The following PACRG variants were observed in gnomAD, a reference collection of about 807,000 sequenced individuals.
PACRG encodes the protein parkin coregulated gene protein.
PACRG carries 29 observed loss-of-function variants against 29.7 expected under a neutral mutation model. That is an observed-to-expected ratio of 0.98 (90% CI 0.73 to 1.33). The LOEUF is 1.33. PACRG is among the 40% of genes most tolerant of loss of function. PACRG has a pLI of 0.00. For synonymous variants in PACRG, 116 were observed against 118.7 expected (o/e 0.98, Z 0.15); for missense variants, 279 against 316.2 (o/e 0.88, Z 0.89).
intron 1 of PACRG, among the ~76,000 whole-genome samples, chr6:162,770,720 G>T (rs946730125): frequency 6.6e-6 from 1 of 151,988 alleles, no homozygotes; most frequent in African/African-American, 2.4e-5. Flanking sequence ...TAACAGACTT[G>T]ATTTTAATGA....
intron 1 of PACRG, among the ~76,000 whole-genome samples, chr6:162,768,087 A>G (rs754298161): frequency 6.6e-6 from 1 of 152,074 alleles, no homozygotes. Flanking sequence ...TTATTTTTGC[A>G]TCTTATTCTT....
At chr6:162,735,721 C>T (rs1352216759) in intron 1 of PACRG, among the ~76,000 whole-genome samples, 2 of 152,098 alleles carry the variant, frequency 1.3e-5, no homozygotes, top group African/African-American at 4.8e-5. Context: ...TCAATAATGG[C>T]TTTTATTGCT....
intron 4 of PACRG, among the ~76,000 whole-genome samples, chr6:163,131,753 G>T (rs1029136122): frequency 6.6e-6 from 1 of 152,118 alleles, no homozygotes; most frequent in Non-Finnish European, 1.5e-5. Flanking sequence ...GGGCTAAGAC[G>T]TGAGCGTGCT....
At position 162,747,152 on chromosome 6, in the gene PACRG, G is replaced by C. The variant is rs552451240; in HGVS notation, c.156+18761G>C. ...GACCCATCCTTAACCTGAGTGGCACGGGTTAATCAGCTGCCAGCACGGCTA... is the reference window on the plus strand; with the variant it reads ...GACCCATCCTTAACCTGAGTGGCACCGGTTAATCAGCTGCCAGCACGGCTA... On this transcript the variant is annotated intron_variant, in intron 1 of 4. Coordinates refer to ENST00000366888, the MANE Select transcript of PACRG (RefSeq NM_001080379.2). 2.6e-5 allele frequency among the ~76,000 whole-genome samples: 4 copies of C among 151,096 alleles called. No individual in the cohort carries two copies. In the East Asian group the frequency reaches 7.9e-4, roughly 30 times the overall value.
rs199945139 is a variant in PACRG at position 163,089,358 on chromosome 6, C to T, written c.563C>T (p.Pro188Leu). ...SAEMVGKALV[P>L]YYRQILPVLN... ...GAGATGGTGGGCAAGGCCTTGGTGC[C>T]TTATTACCGTCAAATCCTCCCTGTC... Residue 188 changes from proline to leucine, a missense_variant, in exon 4 of 5, where the codon CCT becomes CTT. By Grantham distance (98) the Pro-to-Leu change is moderately conservative. Transcript: ENST00000366888. 6.0e-5 allele frequency: 97 copies of T among 1,614,006 alleles called. No individual in the cohort carries two copies. The highest frequency in any genetic ancestry group is 1.1e-4 in the African/African-American group (8 of 74,900).
rs1182136634 is a variant in PACRG, at chr6:162,966,475, G to GT, written c.292-95674dup. On this transcript the variant is annotated intron_variant, in intron 2 of 4. Transcript: ENST00000366888. ...AAGATGTTAATGGAGGGAATGACAT[G>GT]TATTTTTTTTTTTTTTTTTGAGGCG... Among the ~76,000 whole-genome samples, 541 of 98,972 alleles carry GT rather than the reference G, an allele frequency of 5.5e-3. 4 individuals carry two copies. Among genetic ancestry groups the GT allele is most frequent in the African/African-American group, 0.021 (516 of 25,112 alleles). 64.9% of individuals were successfully genotyped at this position (98,972 alleles called of 152,430 possible). A position where few individuals can be genotyped will look rare whatever the true frequency, so the allele number is the denominator to read the frequency against.
intron 4 of PACRG, among the ~76,000 whole-genome samples, chr6:163,201,418 T>G (rs2128149592): frequency 6.6e-6 from 1 of 152,304 alleles, no homozygotes; most frequent in South Asian, 2.1e-4. Context: ...ATAAAGAGAT[T>G]CGGGTGTTCC....
rs559767211 is a variant in PACRG at position 163,098,817 on chromosome 6, G to A, written c.613+9409G>A. Among the ~76,000 whole-genome samples the A allele has an allele frequency of 1.5e-4, 23 of 152,266 alleles. No individual in the cohort carries two copies. In the East Asian group the frequency reaches 2.5e-3, roughly 17 times the overall value. ...CTTGAAGATATGCTAAACAACGGGC[G>A]GATTATTCATATCTCCCCTTTTTAG... On this transcript the variant is annotated intron_variant, in intron 4 of 4. Transcript: ENST00000366888.
At chr6:162,779,010 T>C (rs750094724) in intron 1 of PACRG, among the ~76,000 whole-genome samples, 9 of 152,212 alleles carry the variant, frequency 5.9e-5, no homozygotes, top group Non-Finnish European at 8.8e-5. Flanking sequence ...CATTAGCGGT[T>C]CTTCCTGATG....
At chr6:163,220,395 G>A (rs568747440) in intron 4 of PACRG, among the ~76,000 whole-genome samples, 5 of 152,280 alleles carry the variant, frequency 3.3e-5, no homozygotes, top group East Asian at 1.9e-4. Flanking sequence ...ACTGCTAAGC[G>A]GGGGCAAGTG....
chr6:163,167,817 A>T (rs1405049881), intron 4 of PACRG, among the ~76,000 whole-genome samples: 2 of 152,222 alleles, frequency 1.3e-5, no homozygotes, highest in Non-Finnish European at 2.9e-5. Context: ...CTTTCAAACC[A>T]ACCCTGCTAT....
At chr6:163,261,103 A>G (rs374849499) in intron 4 of PACRG, among the ~76,000 whole-genome samples, 10 of 152,220 alleles carry the variant, frequency 6.6e-5, no homozygotes, top group African/African-American at 2.2e-4. Context: ...CAGGAGTGCT[A>G]GTCCCATCGG....
intron 4 of PACRG, among the ~76,000 whole-genome samples, chr6:163,128,997 T>C (rs2128328112): frequency 6.6e-6 from 1 of 152,348 alleles, no homozygotes; most frequent in African/African-American, 2.4e-5. Context: ...GAATTCTCAA[T>C]ATTTTAAAAA....
At chr6:163,195,092 C>T (rs1174810634) in intron 4 of PACRG, among the ~76,000 whole-genome samples, 2 of 152,096 alleles carry the variant, frequency 1.3e-5, no homozygotes, top group East Asian at 1.9e-4. Flanking sequence ...CTCTTGACCC[C>T]GACTCTCACC....
At chr6:163,153,906 G>A (rs530599861) in intron 4 of PACRG, among the ~76,000 whole-genome samples, 1 of 152,276 alleles carries the variant, frequency 6.6e-6, no homozygotes, top group African/African-American at 2.4e-5. Context: ...GGCTCTGTGG[G>A]GTGAACAGTC....
chr6:163,227,360 T>C (rs1395655459), intron 4 of PACRG, among the ~76,000 whole-genome samples: 1 of 152,182 alleles, frequency 6.6e-6, no homozygotes, highest in Non-Finnish European at 1.5e-5. Flanking sequence ...CACCCAGCCA[T>C]GAGGCATCCA....
Position 162,910,036 on chromosome 6 carries a change from C to T in PACRG, c.291+95755C>T, listed in dbSNP as rs76414007. Among the ~76,000 whole-genome samples, 801 of 152,316 alleles carry T rather than the reference C, an allele frequency of 5.3e-3. 5 individuals are homozygous for T. Among genetic ancestry groups the T allele is most frequent in the Non-Finnish European group, 9.7e-3 (657 of 68,028 alleles). On this transcript the variant is annotated intron_variant, in intron 2 of 4. Coordinates refer to ENST00000366888, the MANE Select transcript of PACRG (RefSeq NM_001080379.2). ...AATGCCTGGGCTCAGATTCTTGCGT[C>T]TTCACTTACCAGTTGTGTAACTGTG...
chr6:162,891,869 T>G (rs1794787276), intron 2 of PACRG: 1 of 152,324 alleles, frequency 6.6e-6, no homozygotes, highest in African/African-American at 2.4e-5. Flanking sequence ...CTGCCTGAGT[T>G]TACCTTCATA....
intron 3 of PACRG, among the ~76,000 whole-genome samples, chr6:163,063,720 A>T (rs951607837): frequency 1.3e-5 from 2 of 151,756 alleles, no homozygotes; most frequent in Non-Finnish European, 2.9e-5. Flanking sequence ...CATGACAGAC[A>T]GTGAAACCAA....
Sources: allele counts gnomAD v4.1 joint callset (sites outside exome capture counted in the v4.1 genomes callset), GRCh38; gene constraint gnomAD v4.1.1; transcripts MANE v1.5; gene names NCBI Gene and HGNC (gene_info 2026-07-23, HGNC 2026-07-21).